The following UBE4B variants were observed in gnomAD, a reference collection of about 807,000 sequenced individuals.
UBE4B encodes ubiquitin conjugation factor E4 B.
UBE4B carries 27 observed loss-of-function variants against 148.1 expected under a neutral mutation model. The observed-to-expected ratio is 0.18, with a 90% CI of 0.13 to 0.25. The LOEUF (loss-of-function observed/expected upper bound fraction) is 0.25. Ranked by LOEUF, UBE4B falls within the 10% of genes least tolerant of loss-of-function variation. UBE4B has a pLI of 1.00. For missense variants in UBE4B, 1,170 were observed against 1,662.4 expected, an observed-to-expected ratio of 0.70 and a Z score of 5.15; for synonymous variants, 596 against 619.3, an observed-to-expected ratio of 0.96 and a Z score of 0.56.
At chr1:10,084,170 T>C (rs1644727548) in intron 2 of UBE4B, among the ~76,000 whole-genome samples, 1 of 152,192 alleles carries the variant, frequency 6.6e-6, no homozygotes, top group Non-Finnish European at 1.5e-5. Flanking sequence ...TGCATGGCCT[T>C]TGTCATGTGC....
chr1:10,162,508 A>G (rs1476802750), intron 23 of UBE4B, among the ~76,000 whole-genome samples: 1 of 149,430 alleles, frequency 6.7e-6, no homozygotes, highest in African/African-American at 2.5e-5. Flanking sequence ...GGGTTTCACC[A>G]TGTTGGCCAG....
intron 17 of UBE4B, among the ~76,000 whole-genome samples, chr1:10,138,243 G>A (rs571106430): frequency 6.1e-4 from 92 of 151,738 alleles, no homozygotes; most frequent in African/African-American, 2.1e-3. Flanking sequence ...GACTACAGGC[G>A]CCCACCACCA....
chr1:10,099,979 AATTTTTTATTTTT>A (rs1422780019), intron 3 of UBE4B, among the ~76,000 whole-genome samples: 20 of 151,838 alleles, frequency 1.3e-4, no homozygotes, highest in Non-Finnish European at 5.9e-5. Context: ...TTCTTAATTA[AATTTTTTATTTTT>A]ATTTTTTATT....
At chr1:10,169,954 G>A (rs1008216862) in intron 24 of UBE4B, among the ~76,000 whole-genome samples, 49 of 152,142 alleles carry the variant, frequency 3.2e-4, no homozygotes, top group African/African-American at 1.1e-3. Flanking sequence ...GGCAGAGGTC[G>A]CAGTGAGCCG....
chr1:10,050,196 C>T (rs1255195549), intron 1 of UBE4B, among the ~76,000 whole-genome samples: 3 of 152,086 alleles, frequency 2.0e-5, no homozygotes, highest in South Asian at 2.1e-4. Flanking sequence ...CTCAGCCTCC[C>T]GAGTAGCTGG....
intron 3 of UBE4B, among the ~76,000 whole-genome samples, chr1:10,097,052 A>AAAAAAAAAT (rs554089049): frequency 5.6e-4 from 78 of 138,514 alleles, no homozygotes; most frequent in Non-Finnish European, 7.9e-4. Context: ...AAAAAAAAAA[A>AAAAAAAAAT]AATAATAATA....
At chr1:10,062,666 T>C (rs1357341311) in intron 1 of UBE4B, among the ~76,000 whole-genome samples, 1 of 152,160 alleles carries the variant, frequency 6.6e-6, no homozygotes, top group East Asian at 1.9e-4. Flanking sequence ...AAGAAAATAA[T>C]GATAGTGAGG....
chr1:10,074,340 A>G lies in UBE4B; in HGVS notation c.211+2126A>G, dbSNP rs112506776. ...TGCTTCATCAGATTTTCCATCTCAT[A>G]TGGCCTTTTTTTTTTTAACAGCCTA... On this transcript the variant is annotated intron_variant, in intron 2 of 27. Coordinates refer to ENST00000343090, the MANE Select transcript of UBE4B (RefSeq NM_001105562.3). Among the ~76,000 whole-genome samples, 1,254 of 136,190 alleles carry G rather than the reference A, an allele frequency of 9.2e-3. 24 individuals are homozygous for G. The highest frequency in any genetic ancestry group is 0.04 in the African/African-American group (1,210 of 30,470). 89.3% of individuals were successfully genotyped at this position (136,190 alleles called of 152,430 possible).
At chr1:10,157,781 T>A (rs944915036) in intron 21 of UBE4B, among the ~76,000 whole-genome samples, 7 of 151,730 alleles carry the variant, frequency 4.6e-5, no homozygotes, top group African/African-American at 1.7e-4. Context: ...GTCTCAAAAA[T>A]AATAATAATA....
Position 10,161,143 on chromosome 1 carries a change from T to G in UBE4B, c.3055T>G (p.Ser1019Ala), listed in dbSNP as rs1442510858. 1 of 1,613,974 alleles carries G rather than the reference T, an allele frequency of 6.2e-7. No individual in the cohort carries two copies. The highest frequency in any genetic ancestry group is 1.1e-5 in the South Asian group (1 of 91,070). The change falls in exon 23 of 28, where the codon TCC becomes GCC. Residue 1019 changes from serine to alanine, a missense_variant and splice_region_variant. Transcript: ENST00000343090. The surrounding 1 kb of genome is among the most constrained non-coding windows in gnomAD (Gnocchi z 4.1). The stretch of plus-strand genomic sequence containing the variant: ...TGTACAATATAATTGCCTTTCCAGC[T>G]CCGGGAAGCAGTTTGTTCGCTATAT... ...HHGTFMEEFN[S>A]GKQFVRYINM...
chr1:10,130,574 C>T lies in UBE4B; in HGVS notation c.1770C>T (p.Tyr590=). 3 of 1,614,190 alleles carry T rather than the reference C, an allele frequency of 1.9e-6. No homozygotes were observed. The highest frequency in any genetic ancestry group is 1.7e-6 in the Non-Finnish European group (2 of 1,180,034). The change falls in exon 13 of 28, where the codon TAC becomes TAT. Residue 590 remains tyrosine (Y), a synonymous_variant. Coordinates refer to ENST00000343090, the MANE Select transcript of UBE4B (RefSeq NM_001105562.3). ...GGCGGGAGCTGCAGAGACTCTCTTA[C>T]TTAGGGGCTTTCTTTAGCTTCTCAG... The part of the protein sequence containing the change: ...GCGRELQRLS[Y]LGAFFSFSVF...
At chr1:10,061,972 C>T (rs1242204548) in intron 1 of UBE4B, among the ~76,000 whole-genome samples, 1 of 149,746 alleles carries the variant, frequency 6.7e-6, no homozygotes, top group Non-Finnish European at 1.5e-5. Flanking sequence ...TGCAGTGGCG[C>T]GATCTTGGCT....
At chr1:10,107,131 G>T in intron 7 of UBE4B, 3 of 1,213,742 alleles carry the variant, frequency 2.5e-6, no homozygotes, top group Non-Finnish European at 2.2e-6. Flanking sequence ...TTAGTGTATG[G>T]TTTATTTAAA....
chr1:10,169,330 G>A (rs1341087321), intron 24 of UBE4B, among the ~76,000 whole-genome samples: 1 of 152,180 alleles, frequency 6.6e-6, no homozygotes, highest in African/African-American at 2.4e-5. Flanking sequence ...CTGATTTTCT[G>A]TATTTGCTCT....
chr1:10,064,389 C>A (rs987505485), intron 1 of UBE4B, among the ~76,000 whole-genome samples: 2 of 152,198 alleles, frequency 1.3e-5, no homozygotes, highest in Non-Finnish European at 2.9e-5. Context: ...CTGATCGCAT[C>A]TCCGAGGAAT....
At chr1:10,123,169 G>T (rs1346329054) in intron 10 of UBE4B, among the ~76,000 whole-genome samples, 1 of 151,936 alleles carries the variant, frequency 6.6e-6, no homozygotes, top group Non-Finnish European at 1.5e-5. Flanking sequence ...AGTGGCTCAC[G>T]CCTGTAATCT....
intron 1 of UBE4B, among the ~76,000 whole-genome samples, chr1:10,056,446 G>A (rs1302425643): frequency 6.6e-6 from 1 of 152,120 alleles, no homozygotes; most frequent in African/African-American, 2.4e-5. Flanking sequence ...GTGCTCTCTG[G>A]GAGTTAGGTA....
intron 3 of UBE4B, among the ~76,000 whole-genome samples, chr1:10,096,599 G>A (rs896424362): frequency 6.6e-6 from 1 of 152,162 alleles, no homozygotes; most frequent in Admixed American, 6.5e-5. Flanking sequence ...GCAGGCGCCT[G>A]TAATCTCAGC....
Position 10,148,096 on chromosome 1 carries a change from G to A in UBE4B, c.2591+1006G>A, listed in dbSNP as rs1304254527. Among the ~76,000 whole-genome samples the A allele has an allele frequency of 1.2e-4, 18 of 151,824 alleles. No homozygotes were observed. In the South Asian group the frequency reaches 1.2e-3, roughly 11 times the overall value. ...CAAAAAATTAGCTGGGCGCTGTGGC[G>A]GGTGCCTGTAGTCCCAGCTACTCGG... is the stretch of plus-strand genomic sequence containing the variant. On this transcript the variant is annotated intron_variant, in intron 19 of 27. Transcript: ENST00000343090.
Sources: gnomAD v4.1 joint callset for allele counts (sites outside exome capture counted in the v4.1 genomes callset) on GRCh38, gnomAD v4.1.1 for gene constraint, Gnocchi (gnomAD v3.1) non-coding constraint, MANE v1.5 for transcripts, NCBI Gene and HGNC (gene_info 2026-07-23, HGNC 2026-07-21) for gene names.